The following NSD1 variants were observed in gnomAD, a reference collection of about 807,000 sequenced individuals.
NSD1 encodes histone-lysine N-methyltransferase, H3 lysine-36 specific.
Under a neutral mutation model 242.7 loss-of-function variants are expected in NSD1, and 26 were observed. That is an observed-to-expected ratio of 0.11 (90% CI 0.08 to 0.15). The LOEUF is 0.15. NSD1 is among the 10% of genes least tolerant of loss of function. The pLI is 1.00. For missense variants in NSD1, 2,495 were observed against 3,272.8 expected (o/e 0.76, Z 5.80); for synonymous variants, 1,106 against 1,178.1 (o/e 0.94, Z 1.25).
chr5:177,256,178 A>G (rs917182558), intron 12 of NSD1, among the ~76,000 whole-genome samples: 3 of 151,578 alleles, frequency 2.0e-5, no homozygotes, highest in Non-Finnish European at 2.9e-5. Context: ...TTTGTTAGGG[A>G]GATTACCAGC....
intron 5 of NSD1, among the ~76,000 whole-genome samples, chr5:177,217,806 T>G (rs1044561935): frequency 5.9e-5 from 9 of 151,924 alleles, no homozygotes; most frequent in Non-Finnish European, 1.2e-4. Flanking sequence ...TAGATGGGAT[T>G]ACAGGCGCCT....
At chr5:177,282,719 T>C (rs1477550836) in intron 19 of NSD1, 138 bp downstream of exon 19, 4 of 771,274 alleles carry the variant, frequency 5.2e-6, no homozygotes, top group Non-Finnish European at 9.4e-6. Context: ...TGGATTGGGG[T>C]TCTGGAGTAG....
intron 2 of NSD1, among the ~76,000 whole-genome samples, chr5:177,165,404 A>T (rs1759101409): frequency 6.6e-6 from 1 of 152,098 alleles, no homozygotes; most frequent in Non-Finnish European, 1.5e-5. Flanking sequence ...CCTGAGCTCA[A>T]GTGATCTGCC....
At chr5:177,247,957 C>T (rs187094972) in intron 10 of NSD1, 2 of 985,392 alleles carry the variant, frequency 2.0e-6, no homozygotes, top group Non-Finnish European at 1.2e-6. Flanking sequence ...CAGAAAGTTC[C>T]AGTGGAACAA....
intron 21 of NSD1, among the ~76,000 whole-genome samples, chr5:177,291,304 A>C (rs1446702840): frequency 6.6e-6 from 1 of 152,242 alleles, no homozygotes; most frequent in Non-Finnish European, 1.5e-5. Flanking sequence ...AACGAGAAAT[A>C]GGCATGTGTA....
chr5:177,240,539 C>G (rs989475862), intron 8 of NSD1, among the ~76,000 whole-genome samples: 7 of 151,962 alleles, frequency 4.6e-5, no homozygotes, highest in Non-Finnish European at 5.9e-5. Flanking sequence ...TGGAGAAACC[C>G]CCTCTCTACT....
chr5:177,164,196 C>T (rs1217356816), intron 2 of NSD1, among the ~76,000 whole-genome samples: 2 of 143,854 alleles, frequency 1.4e-5, no homozygotes, highest in Non-Finnish European at 3.0e-5. Context: ...AGCTCTGTTG[C>T]CCAAGCTGGA....
At chr5:177,184,173 G>T (rs1760914938) in intron 2 of NSD1, among the ~76,000 whole-genome samples, 1 of 152,166 alleles carries the variant, frequency 6.6e-6, no homozygotes, top group Non-Finnish European at 1.5e-5. Context: ...GGATCAAATG[G>T]TAGCTCTATT....
intron 5 of NSD1, among the ~76,000 whole-genome samples, chr5:177,219,896 A>T (rs545212937): frequency 6.6e-6 from 1 of 151,954 alleles, no homozygotes; most frequent in African/African-American, 2.4e-5. Context: ...CAGGAGGTAG[A>T]TGTTGCAGCG....
chr5:177,210,716 G>A lies in NSD1; in HGVS notation c.2317G>A (p.Ala773Thr), dbSNP rs2149845224. The change falls in exon 5 of 23, where the codon GCA becomes ACA. Residue 773 changes from alanine (A) to threonine (T), a missense_variant. Transcript: ENST00000439151. Reference sequence around the variant, plus strand: ...GAACTCGTTAATAAAGGGTGGGGCAGCAAATCAAGCTCTATTACATTCGAA... The same window carrying A: ...GAACTCGTTAATAAAGGGTGGGGCAACAAATCAAGCTCTATTACATTCGAA... The part of the protein sequence containing the change: ...SENSLIKGGA[A>T]NQALLHSKSK... 6.2e-7 allele frequency: 1 copy of A among 1,614,190 alleles called. No individual in the cohort carries two copies. Among genetic ancestry groups the A allele is most frequent in the South Asian group, 1.1e-5 (1 of 91,082 alleles).
At position 177,158,297 on chromosome 5, in the gene NSD1, C is replaced by CTTTCTTTTCT. The variant is rs779832509; in HGVS notation, c.927+22270_927+22279dup. Reference sequence around the variant, plus strand: ...TCTTTCTTTCTTTCTTTCTTTCTTTCTTTCTTTTCTTTCTTTTCTTTCTTT... The same window carrying CTTTCTTTTCT: ...TCTTTCTTTCTTTCTTTCTTTCTTTCTTTCTTTTCTTTTCTTTTCTTTCTTTTCTTTCTTT... On this transcript the variant is annotated intron_variant, in intron 2 of 22. Coordinates refer to ENST00000439151, the MANE Select transcript of NSD1 (RefSeq NM_022455.5). Among the ~76,000 whole-genome samples, 5 of 104,080 alleles carry CTTTCTTTTCT rather than the reference C, an allele frequency of 4.8e-5. No homozygotes were observed. In the South Asian group the frequency reaches 8.9e-4, roughly 18 times the overall value. 68.3% of individuals were successfully genotyped at this position (104,080 alleles called of 152,430 possible). A position where few individuals can be genotyped will look rare whatever the true frequency, so the allele number is the denominator to read the frequency against.
At chr5:177,141,834 C>T (rs1756854615) in intron 2 of NSD1, among the ~76,000 whole-genome samples, 1 of 152,036 alleles carries the variant, frequency 6.6e-6, no homozygotes, top group Non-Finnish European at 1.5e-5. Context: ...AATATTATTT[C>T]CTTTTTTATT....
At chr5:177,241,366 G>A (rs1765851141) in intron 8 of NSD1, among the ~76,000 whole-genome samples, 3 of 151,602 alleles carry the variant, frequency 2.0e-5, no homozygotes, top group Admixed American at 6.6e-5. Flanking sequence ...ATGGCTGGGC[G>A]TCGTGGTACC....
chr5:177,176,423 T>C (rs1760207853), intron 2 of NSD1, among the ~76,000 whole-genome samples: 1 of 148,048 alleles, frequency 6.8e-6, no homozygotes, highest in South Asian at 2.1e-4. Context: ...TGCCTGGCTA[T>C]TCTTTTTTTT....
chr5:177,294,197 T>A lies in NSD1; in HGVS notation c.6829T>A (p.Leu2277Met), dbSNP rs28580074. ...KALAGTCQRP[L>M]LPERPLERTD... Reference sequence around the variant, plus strand: ...TCTGGCAGGGACTTGTCAGAGGCCATTGCTACCTGAAAGACCTCTTGAGAG... The same window carrying A: ...TCTGGCAGGGACTTGTCAGAGGCCAATGCTACCTGAAAGACCTCTTGAGAG... The change falls in exon 23 of 23, where the codon TTG (leucine) becomes ATG (methionine). Residue 2277 changes from leucine (L) to methionine (M), a missense_variant. Coordinates refer to ENST00000439151, the MANE Select transcript of NSD1 (RefSeq NM_022455.5). The A allele has an allele frequency of 6.1e-5, 99 of 1,614,000 alleles. No individual in the cohort carries two copies. The highest frequency in any genetic ancestry group is 8.0e-5 in the Non-Finnish European group (94 of 1,180,044).
intron 5 of NSD1, among the ~76,000 whole-genome samples, chr5:177,219,683 G>A (rs754939469): frequency 2.0e-5 from 3 of 152,158 alleles, no homozygotes; most frequent in Admixed American, 6.5e-5. Context: ...AGACTTGTGT[G>A]GCTGGGCATG....
At chr5:177,290,732 C>T (rs1581554658) in intron 21 of NSD1, among the ~76,000 whole-genome samples, 1 of 152,166 alleles carries the variant, frequency 6.6e-6, no homozygotes, top group South Asian at 2.1e-4. Flanking sequence ...ACTCAATGAT[C>T]ATTTTTTAAT....
At chr5:177,282,693 T>TGGGTATGGGAAAAG in intron 19 of NSD1, 112 bp downstream of exon 19, 1 of 857,120 alleles carries the variant, frequency 1.2e-6, no homozygotes, top group Non-Finnish European at 2.0e-6. Flanking sequence ...TCTTTTCCCA[T>TGGGTATGGGAAAAG]ACCCATTGGG....
intron 2 of NSD1, chr5:177,137,256 C>T: frequency 4.6e-6 from 1 of 217,128 alleles, no homozygotes; most frequent in Non-Finnish European, 8.9e-6. Flanking sequence ...TTTGTTTCTG[C>T]CCAAACACAT....
Sources: gnomAD v4.1 joint callset for allele counts (sites outside exome capture counted in the v4.1 genomes callset) on GRCh38, gnomAD v4.1.1 for gene constraint, MANE v1.5 for transcripts, NCBI Gene and HGNC (gene_info 2026-07-23, HGNC 2026-07-21) for gene names.